The following EIF3D variants were observed in gnomAD, a reference collection of about 807,000 sequenced individuals.
EIF3D encodes eIF3 p66.
A neutral mutation model predicts 75.4 loss-of-function variants in EIF3D; 10 were observed. The observed-to-expected ratio is 0.13, with a 90% CI of 0.08 to 0.22. The LOEUF (loss-of-function observed/expected upper bound fraction) is 0.22. EIF3D is among the 10% of genes least tolerant of loss of function. The pLI is 1.00. For synonymous variants in EIF3D, 246 were observed against 248.3 expected, an observed-to-expected ratio of 0.99 and a Z score of 0.09; for missense variants, 394 against 708.0, an observed-to-expected ratio of 0.56 and a Z score of 5.03.
chr22:36,518,437 C>T (rs564964418), intron 9 of EIF3D, among the ~76,000 whole-genome samples: 28 of 151,302 alleles, frequency 1.9e-4, no homozygotes, highest in African/African-American at 6.1e-4. Context: ...TGCAGTGAGC[C>T]AAGACTGCGC....
intron 12 of EIF3D, among the ~76,000 whole-genome samples, chr22:36,514,981 TC>T (rs35819088): frequency 0.027 from 4,040 of 152,070 alleles, 181 homozygotes; most frequent in African/African-American, 0.092. Context: ...TATACCAACC[TC>T]CCCCCTCTCT....
chr22:36,512,858 G>GAC lies in EIF3D; in HGVS notation c.1207-258_1207-257dup, dbSNP rs67441722. ...AGGGAATGATGGATGGACACACACG[G>GAC]ACACACACACACACACACACACTTT... On this transcript the variant is annotated intron_variant, in intron 12 of 14. Coordinates refer to ENST00000216190, the MANE Select transcript of EIF3D (RefSeq NM_003753.4). The GAC allele has an allele frequency of 5.4e-3, 1,840 of 343,574 alleles. 14 individuals carry two copies. Among genetic ancestry groups the GAC allele is most frequent in the African/African-American group, 0.025 (1,180 of 47,040 alleles). The allele number at this position is 343,574 out of a possible 1,614,324, so 21.3% of individuals were successfully genotyped here. A position where few individuals can be genotyped will look rare whatever the true frequency, so the allele number is the denominator to read the frequency against.
At chr22:36,516,852 G>C in intron 10 of EIF3D, 62 bp from the exon 11 acceptor site, 1 of 1,469,220 alleles carries the variant, frequency 6.8e-7, no homozygotes, top group East Asian at 2.3e-5. Flanking sequence ...AGGCCAATCA[G>C]TCAGACCCAG....
Position 36,524,000 on chromosome 22 carries a change from A to G in EIF3D, c.307-20T>C. The G allele has an allele frequency of 6.2e-7, 1 of 1,613,810 alleles. No individual in the cohort carries two copies. ...GTTCCTCTGGGCATCAGCAAGAAAC[A>G]TCCATGTTAAAATCTTGGAGATTTG... is the stretch of plus-strand genomic sequence containing the variant. On this transcript the variant is annotated intron_variant, in intron 4 of 14. Transcript: ENST00000216190.
At chr22:36,520,497 AG>A (rs1321285088) in intron 7 of EIF3D, 78 bp downstream of exon 7, 1 of 983,290 alleles carries the variant, frequency 1.0e-6, no homozygotes, top group Non-Finnish European at 1.5e-6. Context: ...TGGAAATACT[AG>A]GGCTTAAGAA....
intron 6 of EIF3D, among the ~76,000 whole-genome samples, chr22:36,521,417 G>A (rs1255843465): frequency 6.6e-6 from 1 of 152,132 alleles, no homozygotes; most frequent in Non-Finnish European, 1.5e-5. Flanking sequence ...AACTATTCTT[G>A]ATACAGCATC....
At chr22:36,528,686 T>C (rs1479188814) in intron 1 of EIF3D, 3 of 151,952 alleles carry the variant, frequency 2.0e-5, no homozygotes, top group Non-Finnish European at 4.4e-5. Context: ...CTATGCACTG[T>C]GAATTCCTAA....
intron 6 of EIF3D, 68 bp downstream of exon 6, chr22:36,523,141 C>T: frequency 1.6e-6 from 2 of 1,246,416 alleles, no homozygotes; most frequent in Non-Finnish European, 2.4e-6. Flanking sequence ...CTCATCTAAG[C>T]TATTAATAAA....
intron 9 of EIF3D, 191 bp from the exon 10 acceptor site, chr22:36,517,622 A>C: frequency 5.7e-6 from 3 of 526,212 alleles, no homozygotes; most frequent in Non-Finnish European, 9.6e-6. Flanking sequence ...GGATAACTCA[A>C]GATACTGTCC....
intron 1 of EIF3D, among the ~76,000 whole-genome samples, chr22:36,527,462 T>TA (rs1246306546): frequency 6.6e-6 from 1 of 152,194 alleles, no homozygotes; most frequent in Admixed American, 6.5e-5. Flanking sequence ...GACACTTCTA[T>TA]AAAAAAACCT....
chr22:36,524,489 A>G (rs895867211), intron 4 of EIF3D, 107 bp downstream of exon 4: 4 of 1,517,972 alleles, frequency 2.6e-6, no homozygotes, highest in East Asian at 2.3e-5. Flanking sequence ...GAAAAGACCT[A>G]TAATATGCTT....
In EIF3D at chr22:36,510,963, AAACTCCAGCTCC is replaced by A; in HGVS notation, c.*12_*23del. 6.3e-7 allele frequency: 1 copy of A among 1,599,324 alleles called. No individual in the cohort carries two copies. ...GCCCTCGTAGTCTCGGTGGAAGGAC[AAACTCCAGCTCC>A]ACATCACTGGTTTAAGTTTCTTCCT... On this transcript the variant is annotated 3_prime_UTR_variant, in exon 15 of 15. Coordinates refer to ENST00000216190, the MANE Select transcript of EIF3D (RefSeq NM_003753.4).
chr22:36,521,791 G>T (rs1048723813), intron 6 of EIF3D, among the ~76,000 whole-genome samples: 1 of 136,170 alleles, frequency 7.3e-6, no homozygotes, highest in Non-Finnish European at 1.6e-5. Context: ...AAAAAAAAAA[G>T]CCAGACATGT....
At chr22:36,519,334 T>G in intron 8 of EIF3D, 71 bp downstream of exon 8, 4 of 1,596,280 alleles carry the variant, frequency 2.5e-6, no homozygotes, top group Non-Finnish European at 3.4e-6. Context: ...CTTCTGTTCT[T>G]TCTGCAGCTT....
chr22:36,513,703 T>C (rs1934377842), intron 12 of EIF3D, among the ~76,000 whole-genome samples: 1 of 152,236 alleles, frequency 6.6e-6, no homozygotes, highest in Admixed American at 6.5e-5. Flanking sequence ...GCAGCACTCC[T>C]GTGAGTTTGC....
At position 36,518,788 on chromosome 22, in the gene EIF3D, AAAG is replaced by A; in HGVS notation, c.831_833del (p.Phe278del). The A allele has an allele frequency of 6.2e-7, 1 of 1,614,200 alleles. No homozygotes were observed. Among genetic ancestry groups the A allele is most frequent in the Non-Finnish European group, 8.5e-7 (1 of 1,180,038 alleles). On this transcript the variant is annotated inframe_deletion, in exon 9 of 15. Transcript: ENST00000216190. ...CAAAGTCAGAGTTGTCTCTCTTGTC[AAAG>A]AAGAGTTTGGACCCAACTCTCTGGA...
At chr22:36,521,845 G>A (rs1934519144) in intron 6 of EIF3D, among the ~76,000 whole-genome samples, 1 of 151,972 alleles carries the variant, frequency 6.6e-6, no homozygotes, top group African/African-American at 2.4e-5. Flanking sequence ...GCTGAGGTGT[G>A]AGAATCACTT....
At position 36,511,111 on chromosome 22, in the gene EIF3D, C is replaced by T. The variant is rs562237615; in HGVS notation, c.1634-111G>A. On this transcript the variant is annotated intron_variant, in intron 14 of 14. Coordinates refer to ENST00000216190, the MANE Select transcript of EIF3D (RefSeq NM_003753.4). ...GCGTGAGTTTTCAACACTTCCATTC[C>T]GAAGTTAAGCCTTTCAGATGCTCAC... 1.5e-5 allele frequency: 20 copies of T among 1,329,194 alleles called. No homozygotes were observed. In the East Asian group the frequency reaches 3.4e-4, roughly 23 times the overall value. 82.3% of individuals were successfully genotyped at this position (1,329,194 alleles called of 1,614,324 possible).
chr22:36,526,065 A>C lies in EIF3D; in HGVS notation c.57T>G (p.Cys19Trp). The C allele has an allele frequency of 6.2e-7, 1 of 1,613,692 alleles. No homozygotes were observed. Among genetic ancestry groups the C allele is most frequent in the South Asian group, 1.1e-5 (1 of 90,994 alleles). Residue 19 changes from cysteine (C) to tryptophan (W), a missense_variant, in exon 2 of 15, where the codon TGT becomes TGG. Transcript: ENST00000216190. ...IQDNPSGWGPCAVPEQFRDMP... is the reference protein window; with the variant it reads ...IQDNPSGWGPWAVPEQFRDMP... The stretch of plus-strand genomic sequence containing the variant: ...TATCCCGAAACTGCTCGGGAACCGC[A>C]CAGGGACCCCAGCCTGAGGGGTTGT...
Sources: gnomAD v4.1 joint callset for allele counts (sites outside exome capture counted in the v4.1 genomes callset) on GRCh38, gnomAD v4.1.1 for gene constraint, MANE v1.5 for transcripts, NCBI Gene and HGNC (gene_info 2026-07-23, HGNC 2026-07-21) for gene names.